The following ABTB3 variants were observed in gnomAD, a reference collection of about 807,000 sequenced individuals.
ABTB3 encodes the protein ankyrin repeat and BTB domain containing 3.
chr12:107,523,204 G>A, the ABTB3 span, among the ~76,000 whole-genome samples: 11 of 152,222 alleles, frequency 7.2e-5, no homozygotes, highest in African/African-American at 2.2e-4. Context: ...TTAAACTTAC[G>A]GCCTGCACCT....
the ABTB3 span, among the ~76,000 whole-genome samples, chr12:107,423,325 AC>A: frequency 6.6e-6 from 1 of 152,216 alleles, no homozygotes; most frequent in Non-Finnish European, 1.5e-5. Context: ...TGTGCTTGAT[AC>A]CCATTTTCAG....
At chr12:107,447,678 C>T in the ABTB3 span, among the ~76,000 whole-genome samples, 2 of 152,138 alleles carry the variant, frequency 1.3e-5, no homozygotes, top group African/African-American at 4.8e-5. Context: ...TTTGCAATTA[C>T]CAGGTAGAAA....
the ABTB3 span, among the ~76,000 whole-genome samples, chr12:107,601,791 A>G: frequency 6.6e-6 from 1 of 152,258 alleles, no homozygotes; most frequent in Non-Finnish European, 1.5e-5. Context: ...ACAAGTTCGT[A>G]TTTGTAAAAA....
At chr12:107,658,066 G>A in the ABTB3 span, 10 of 318,952 alleles carry the variant, frequency 3.1e-5, no homozygotes, top group East Asian at 6.6e-5. Flanking sequence ...GGACTTCACC[G>A]TACCAACCCT....
chr12:107,358,886 G>T, the ABTB3 span, among the ~76,000 whole-genome samples: 1 of 152,134 alleles, frequency 6.6e-6, no homozygotes, highest in South Asian at 2.1e-4. Context: ...ACCACTGCTC[G>T]GCCTCCACCG....
the ABTB3 span, among the ~76,000 whole-genome samples, chr12:107,387,958 T>C: frequency 3.5e-5 from 5 of 142,430 alleles, no homozygotes; most frequent in South Asian, 6.6e-4. Context: ...TCTCCTCTTC[T>C]TCTTCTTCTT....
the ABTB3 span, among the ~76,000 whole-genome samples, chr12:107,358,548 C>A: frequency 6.6e-6 from 1 of 152,104 alleles, no homozygotes; most frequent in Non-Finnish European, 1.5e-5. Context: ...CCCTAAACCA[C>A]CCCAAACCCA....
the ABTB3 span, chr12:107,319,395 T>G: frequency 1.1e-5 from 18 of 1,594,798 alleles, no homozygotes; most frequent in Non-Finnish European, 1.4e-5. Context: ...CGCCTGAGCC[T>G]GCGCTTCGCC....
the ABTB3 span, among the ~76,000 whole-genome samples, chr12:107,340,473 C>T: frequency 6.6e-6 from 1 of 152,194 alleles, no homozygotes; most frequent in Non-Finnish European, 1.5e-5. Context: ...TGAGCCTTCT[C>T]CCATCTCTTC....
the ABTB3 span, among the ~76,000 whole-genome samples, chr12:107,489,501 C>T: frequency 3.6e-3 from 555 of 152,226 alleles, 7 homozygotes; most frequent in African/African-American, 0.013. Context: ...GCCTGGGTGA[C>T]GAGCAAAACT....
the ABTB3 span, among the ~76,000 whole-genome samples, chr12:107,631,737 C>G: frequency 6.6e-6 from 1 of 152,130 alleles, no homozygotes; most frequent in South Asian, 2.1e-4. Context: ...TGATGTTTTT[C>G]TCATGATTAG....
At chr12:107,400,658 G>A in the ABTB3 span, among the ~76,000 whole-genome samples, 1 of 152,132 alleles carries the variant, frequency 6.6e-6, no homozygotes, top group African/African-American at 2.4e-5. Context: ...TGTCTGGGAT[G>A]TGGTAAGTGG....
chr12:107,376,390 A>AT, the ABTB3 span, among the ~76,000 whole-genome samples: 1 of 152,158 alleles, frequency 6.6e-6, no homozygotes, highest in African/African-American at 2.4e-5. Flanking sequence ...ATGAATTTGC[A>AT]TTTATGCTGC....
chr12:107,449,550 G>A, the ABTB3 span, among the ~76,000 whole-genome samples: 3 of 152,140 alleles, frequency 2.0e-5, 1 homozygote, highest in South Asian at 6.2e-4. Context: ...GTTGGCCACC[G>A]AGCAAAATAG....
chr12:107,521,917 C>A, the ABTB3 span, among the ~76,000 whole-genome samples: 15 of 152,194 alleles, frequency 9.9e-5, no homozygotes, highest in African/African-American at 3.4e-4. Context: ...TCTGAGGACC[C>A]TTGTCTTAGT....
At chr12:107,645,018 G>A in the ABTB3 span, among the ~76,000 whole-genome samples, 3 of 143,674 alleles carry the variant, frequency 2.1e-5, no homozygotes, top group African/African-American at 8.0e-5. Context: ...TGTTGCCCAG[G>A]CTGGAGTGCA....
At chr12:107,400,383 C>A in the ABTB3 span, among the ~76,000 whole-genome samples, 1 of 152,064 alleles carries the variant, frequency 6.6e-6, no homozygotes, top group Admixed American at 6.5e-5. Context: ...TAGGTGGGGA[C>A]CCAGGAATCT....
At chr12:107,552,214 G>A in the ABTB3 span, among the ~76,000 whole-genome samples, 2 of 152,176 alleles carry the variant, frequency 1.3e-5, no homozygotes, top group Non-Finnish European at 2.9e-5. Flanking sequence ...CCTGGTCTGG[G>A]CTCCTAGCCA....
chr12:107,477,430 C>G, the ABTB3 span, among the ~76,000 whole-genome samples: 12 of 152,192 alleles, frequency 7.9e-5, no homozygotes, highest in African/African-American at 2.9e-4. Flanking sequence ...CTGCCAGATG[C>G]ATCTTTTGAG....
Sources: gnomAD v4.1 joint callset for allele counts (sites outside exome capture counted in the v4.1 genomes callset) on GRCh38, gnomAD v4.1.1 for gene constraint, MANE v1.5 for transcripts, NCBI Gene and HGNC (gene_info 2026-07-23, HGNC 2026-07-21) for gene names.